The following NBPF11 variants were observed in gnomAD, a reference collection of about 807,000 sequenced individuals.
The protein encoded by NBPF11 is NBPF family member NBPF11.
In NBPF11, 72 loss-of-function variants were observed where a neutral mutation model predicts 93.9. The observed-to-expected ratio is 0.77, with a 90% CI of 0.63 to 0.93. The LOEUF is 0.93. Ranked by LOEUF, NBPF11 falls within the 40% of genes least tolerant of loss-of-function variation. NBPF11 has a pLI of 0.00. For missense variants in NBPF11, 705 were observed against 802.2 expected, an observed-to-expected ratio of 0.88 and a Z score of 1.46; for synonymous variants, 224 against 304.9, an observed-to-expected ratio of 0.73 and a Z score of 2.76.
chr1:148,132,616 T>C (rs1366599672), intron 4 of NBPF11, among the ~76,000 whole-genome samples: 3 of 149,020 alleles, frequency 2.0e-5, no homozygotes, highest in Non-Finnish European at 3.0e-5. Flanking sequence ...ACTCTTCTGA[T>C]CCATGACAAG....
rs1477989696 is a variant in NBPF11, at chr1:148,144,375, TTTTA to T, written c.-548-693_-548-690del. ...CTATGATTCTGCTCTATACAAGCTA[TTTTA>T]TTTGTTAGATGGTGAAAACCGTGAC... On this transcript the variant is annotated intron_variant, in intron 1 of 23. Coordinates refer to ENST00000682118, the MANE Select transcript of NBPF11 (RefSeq NM_001385469.3). Among the ~76,000 whole-genome samples the T allele has an allele frequency of 2.6e-5, 4 of 151,108 alleles. No homozygotes were observed. In the South Asian group the frequency reaches 8.4e-4, roughly 32 times the overall value.
At chr1:148,120,888 T>G (rs1212429971) in intron 9 of NBPF11, among the ~76,000 whole-genome samples, 178 bp from the exon 10 acceptor site, 1 of 152,038 alleles carries the variant, frequency 6.6e-6, no homozygotes, top group Non-Finnish European at 1.5e-5. Context: ...GTCTTAGCTA[T>G]GCAGTCACCT....
intron 4 of NBPF11, among the ~76,000 whole-genome samples, chr1:148,132,460 AT>A: frequency 6.7e-6 from 1 of 149,252 alleles, no homozygotes; most frequent in Non-Finnish European, 1.5e-5. Context: ...TAATATTGCT[AT>A]TTTATTATTC....
At chr1:148,123,678 C>T (rs1330123192) in intron 7 of NBPF11, among the ~76,000 whole-genome samples, 175 bp downstream of exon 7, 2 of 151,938 alleles carry the variant, frequency 1.3e-5, no homozygotes, top group Non-Finnish European at 2.9e-5. Flanking sequence ...CTGTGACCTC[C>T]AAACCGATGG....
chr1:148,143,956 A>G (rs1672586047), intron 1 of NBPF11, among the ~76,000 whole-genome samples: 1 of 149,270 alleles, frequency 6.7e-6, no homozygotes, highest in Non-Finnish European at 1.5e-5. Context: ...GCTACTCGGG[A>G]GGCTGAGGCA....
rs1327917026 is a variant in NBPF11 at position 148,121,448 on chromosome 1, T to C, written c.778+607A>G. Among the ~76,000 whole-genome samples, 4 of 150,220 alleles carry C rather than the reference T, an allele frequency of 2.7e-5. No homozygotes were observed. The East Asian group carries it at 8.0e-4, about 30-fold the overall frequency. On this transcript the variant is annotated intron_variant, in intron 9 of 23. Transcript: ENST00000682118. ...CTGCAAGATCCGGTTCCTGGGTTCA[T>C]GCCATTCTCCTGCCTCAGCCTCCTG...
rs1370564471 is a variant in NBPF11 at position 148,112,081 on chromosome 1, G to A, written c.1638-1540C>T. Reference sequence around the variant, plus strand: ...GGCACAAACCCTACAAGCCAGAAGAGAGTGGGAGCAATATTCAACATTCTT... The same window carrying A: ...GGCACAAACCCTACAAGCCAGAAGAAAGTGGGAGCAATATTCAACATTCTT... On this transcript the variant is annotated intron_variant, in intron 15 of 23. Transcript: ENST00000682118. Among the ~76,000 whole-genome samples, 3 of 135,178 alleles carry A rather than the reference G, an allele frequency of 2.2e-5. No homozygotes were observed. In the South Asian group the frequency reaches 6.8e-4, roughly 31 times the overall value. The allele number at this position is 135,178 out of a possible 152,430, so 88.7% of individuals were successfully genotyped here.
chr1:148,139,044 T>G (rs1211396852), intron 2 of NBPF11, among the ~76,000 whole-genome samples: 2 of 151,260 alleles, frequency 1.3e-5, no homozygotes, highest in African/African-American at 4.9e-5. Flanking sequence ...TGAGCTGAGA[T>G]GGCGCCGTTG....
intron 9 of NBPF11, among the ~76,000 whole-genome samples, chr1:148,121,259 G>T (rs1376330182): frequency 2.6e-5 from 4 of 151,496 alleles, no homozygotes; most frequent in Non-Finnish European, 5.9e-5. Context: ...GGACAGGCTG[G>T]TTTCGAACTC....
At position 148,126,729 on chromosome 1, in the gene NBPF11, T is replaced by C. The variant is rs1334989637; in HGVS notation, c.175+100A>G. 9.1e-5 allele frequency: 73 copies of C among 797,924 alleles called. No individual in the cohort carries two copies. The African/African-American group carries it at 9.3e-4, about 10-fold the overall frequency. 49.4% of individuals were successfully genotyped at this position (797,924 alleles called of 1,614,324 possible). Reference sequence around the variant, plus strand: ...CAAAATGTTAAAATACCCATTTCTGTTTTCCTAGAAGTACAGGAAGGATGA... The same window carrying C: ...CAAAATGTTAAAATACCCATTTCTGCTTTCCTAGAAGTACAGGAAGGATGA... On this transcript the variant is annotated intron_variant, in intron 5 of 23. Transcript: ENST00000682118.
intron 1 of NBPF11, among the ~76,000 whole-genome samples, chr1:148,147,088 G>C (rs1297250277): frequency 6.6e-6 from 1 of 152,158 alleles, no homozygotes; most frequent in Non-Finnish European, 1.5e-5. Flanking sequence ...GGGTGTGCAG[G>C]TGCCGCCTCC....
intron 1 of NBPF11, among the ~76,000 whole-genome samples, chr1:148,151,456 C>T (rs1210843666): frequency 6.6e-6 from 1 of 152,072 alleles, no homozygotes; most frequent in South Asian, 2.1e-4. Flanking sequence ...CTTCCGAAGA[C>T]GTGCCCCCGA....
rs1211852818 is a variant in NBPF11, at chr1:148,123,089, TCCC to T, written c.494-291_494-289del. Reference sequence around the variant, plus strand: ...CTCTCTCTGGACTTTGGCAGCTGTCTCCCCCATCCTGCCACAGATCTGATTCCC... The same window carrying T: ...CTCTCTCTGGACTTTGGCAGCTGTCTCCATCCTGCCACAGATCTGATTCCC... On this transcript the variant is annotated intron_variant, in intron 7 of 23. Transcript: ENST00000682118. Among the ~76,000 whole-genome samples, 13 of 151,176 alleles carry T rather than the reference TCCC, an allele frequency of 8.6e-5. 1 individual carries two copies. The highest frequency in any genetic ancestry group is 3.2e-4 in the African/African-American group (13 of 40,600).
chr1:148,124,630 C>T (rs1332119084), intron 6 of NBPF11, among the ~76,000 whole-genome samples: 1 of 151,682 alleles, frequency 6.6e-6, no homozygotes, highest in Non-Finnish European at 1.5e-5. Flanking sequence ...CTGGGTGGTT[C>T]CCACTCCTTT....
At chr1:148,135,849 C>T (rs1463694629) in intron 3 of NBPF11, 36 bp from the exon 4 acceptor site, 2 of 752,700 alleles carry the variant, frequency 2.7e-6, no homozygotes, top group Non-Finnish European at 4.5e-6. Flanking sequence ...TTTACCTCCC[C>T]AGAGGAAAAG....
rs1274927594 is a variant in NBPF11 at position 148,103,917 on chromosome 1, A to G, written c.2582-5T>C. 1.9e-6 allele frequency: 3 copies of G among 1,610,724 alleles called. No homozygotes were observed. The highest frequency in any genetic ancestry group is 2.5e-6 in the Non-Finnish European group (3 of 1,178,970). The stretch of plus-strand genomic sequence containing the variant: ...TCCATCAGCACGCTGCTGAGCCTGG[A>G]AAAGGAGACAAAACTAAAGAAGCAG... On this transcript the variant is annotated splice_region_variant and splice_polypyrimidine_tract_variant and intron_variant, in intron 23 of 23. Coordinates refer to ENST00000682118, the MANE Select transcript of NBPF11 (RefSeq NM_001385469.3).
chr1:148,134,736 GC>G (rs1361502340), intron 4 of NBPF11, among the ~76,000 whole-genome samples: 1 of 151,878 alleles, frequency 6.6e-6, no homozygotes, highest in Non-Finnish European at 1.5e-5. Context: ...TGGCATTGGG[GC>G]TGGTACAGCC....
At chr1:148,146,346 C>T (rs1673063966) in intron 1 of NBPF11, 3 of 1,455,874 alleles carry the variant, frequency 2.1e-6, no homozygotes, top group South Asian at 1.4e-5. Flanking sequence ...GGCCGGGCGG[C>T]GTTGTTGGCG....
chr1:148,106,333 C>A (rs1240354618), intron 20 of NBPF11, 101 bp from the exon 21 acceptor site: 9 of 718,712 alleles, frequency 1.3e-5, no homozygotes, highest in Non-Finnish European at 2.3e-5. Flanking sequence ...GGCTCCTCAG[C>A]ATGAGAACAG....
Sources: gnomAD v4.1 joint callset for allele counts (sites outside exome capture counted in the v4.1 genomes callset) on GRCh38, gnomAD v4.1.1 for gene constraint, MANE v1.5 for transcripts, NCBI Gene and HGNC (gene_info 2026-07-23, HGNC 2026-07-21) for gene names.